BEND5: variants seen among roughly 807,000 people sequenced by gnomAD.
BEND5 encodes BEN domain-containing protein 5.
BEND5 carries 22 observed loss-of-function variants against 43.9 expected under a neutral mutation model. The observed-to-expected ratio is 0.50, with a 90% CI of 0.36 to 0.72. The LOEUF is 0.72. BEND5 is among the 30% of genes least tolerant of loss of function. The pLI, the probability that BEND5 is intolerant of heterozygous loss-of-function variation, is 0.00. For missense variants in BEND5, 428 were observed against 550.6 expected, an observed-to-expected ratio of 0.78 and a Z score of 2.23; for synonymous variants, 228 against 225.9, an observed-to-expected ratio of 1.01 and a Z score of -0.08.
chr1:48,775,666 C>T (rs1645043009), intron 1 of BEND5, among the ~76,000 whole-genome samples: 2 of 152,170 alleles, frequency 1.3e-5, no homozygotes, highest in African/African-American at 4.8e-5. Context: ...GCTGTCTTCT[C>T]TTTACAAAGG....
Position 48,728,903 on chromosome 1 carries a change from G to A in BEND5, c.1109-860C>T, listed in dbSNP as rs115178040. Reference sequence around the variant, plus strand: ...CTGACAACCTGGTGGGTGTGAAGTAGTGTCTCACTGCTGTGATTACTAATG... The same window carrying A: ...CTGACAACCTGGTGGGTGTGAAGTAATGTCTCACTGCTGTGATTACTAATG... On this transcript the variant is annotated intron_variant, in intron 5 of 5. Coordinates refer to ENST00000371833, the MANE Select transcript of BEND5 (RefSeq NM_024603.4). Among the ~76,000 whole-genome samples the A allele has an allele frequency of 3.3e-3, 510 of 152,294 alleles. 4 individuals are homozygous for A. The highest frequency in any genetic ancestry group is 7.3e-3 in the Admixed American group (111 of 15,304).
At chr1:48,772,187 G>A (rs1007129229) in intron 1 of BEND5, among the ~76,000 whole-genome samples, 1 of 152,204 alleles carries the variant, frequency 6.6e-6, no homozygotes, top group Non-Finnish European at 1.5e-5. Context: ...GCACATTCAT[G>A]ACTAATAAAA....
intron 1 of BEND5, among the ~76,000 whole-genome samples, chr1:48,773,001 G>A (rs1278394826): frequency 1.3e-5 from 2 of 152,006 alleles, no homozygotes; most frequent in Non-Finnish European, 2.9e-5. Context: ...CTACATAGCA[G>A]GACATGAAAA....
intron 1 of BEND5, among the ~76,000 whole-genome samples, chr1:48,761,739 ATCCT>A (rs1250502000): frequency 6.6e-6 from 1 of 152,244 alleles, no homozygotes; most frequent in Non-Finnish European, 1.5e-5. Flanking sequence ...CTCTAAGTAC[ATCCT>A]AAAGGGTGGC....
chr1:48,765,553 C>A (rs1248893230), intron 1 of BEND5, among the ~76,000 whole-genome samples: 2 of 152,182 alleles, frequency 1.3e-5, no homozygotes, highest in Non-Finnish European at 2.9e-5. Flanking sequence ...CCCAGCAATT[C>A]CGCTCCTGGG....
chr1:48,748,340 T>C (rs1651091903), intron 3 of BEND5, among the ~76,000 whole-genome samples: 1 of 152,112 alleles, frequency 6.6e-6, no homozygotes, highest in African/African-American at 2.4e-5. Flanking sequence ...CAGAGACAAA[T>C]CTGGTTTCAT....
intron 5 of BEND5, among the ~76,000 whole-genome samples, chr1:48,731,413 C>A (rs980486239): frequency 6.6e-6 from 1 of 152,152 alleles, no homozygotes; most frequent in African/African-American, 2.4e-5. Context: ...CATTCACGTA[C>A]AAGGCAAGCA....
chr1:48,760,534 A>G (rs1644201542), intron 2 of BEND5, among the ~76,000 whole-genome samples: 1 of 152,210 alleles, frequency 6.6e-6, no homozygotes, highest in South Asian at 2.1e-4. Flanking sequence ...GATCGTTACA[A>G]TATGTCTGCG....
intron 2 of BEND5, among the ~76,000 whole-genome samples, chr1:48,760,580 T>C (rs1341493971): frequency 6.6e-6 from 1 of 152,228 alleles, no homozygotes; most frequent in Non-Finnish European, 1.5e-5. Flanking sequence ...GCAAGGACCA[T>C]GTCTGGCTAA....
chr1:48,742,789 G>T lies in BEND5; in HGVS notation c.746-18C>A. 6.5e-7 allele frequency: 1 copy of T among 1,542,730 alleles called. No homozygotes were observed. Among genetic ancestry groups the T allele is most frequent in the Non-Finnish European group, 8.8e-7 (1 of 1,138,912 alleles). ...GGCGGGACCTAGGCAGTTAAGAAAA[G>T]AAATCTGTCTAGAACTCCAAGGAAA... On this transcript the variant is annotated intron_variant, in intron 3 of 5. Transcript: ENST00000371833.
chr1:48,746,402 T>G (rs1650770321), intron 3 of BEND5, among the ~76,000 whole-genome samples: 1 of 152,142 alleles, frequency 6.6e-6, no homozygotes, highest in African/African-American at 2.4e-5. Context: ...GTCCTTGTAC[T>G]CCACAGCCCA....
At position 48,758,943 on chromosome 1, in the gene BEND5, A is replaced by C. The variant is rs768199056; in HGVS notation, c.702T>G (p.Leu234=). The C allele has an allele frequency of 1.3e-6, 2 of 1,586,280 alleles. No homozygotes were observed. The highest frequency in any genetic ancestry group is 4.5e-5 in the East Asian group (2 of 44,370). The change falls in exon 3 of 6, where the codon CTT becomes CTG. Residue 234 remains leucine, a synonymous_variant. Coordinates refer to ENST00000371833, the MANE Select transcript of BEND5 (RefSeq NM_024603.4). ...GCAGCACGTCCTGGAGCCTCCGGTT[A>C]AGGTCACGGAGCTCCTTCATTTCAG... ...LVSEMKELRD[L]NRRLQDVLLL...
At chr1:48,744,168 A>C (rs1389639088) in intron 3 of BEND5, among the ~76,000 whole-genome samples, 1 of 152,300 alleles carries the variant, frequency 6.6e-6, no homozygotes, top group African/African-American at 2.4e-5. Context: ...GCACCTCCCA[A>C]TTAGAGGTGC....
intron 1 of BEND5, among the ~76,000 whole-genome samples, chr1:48,769,993 C>T (rs1045292376): frequency 6.6e-6 from 1 of 152,154 alleles, no homozygotes; most frequent in African/African-American, 2.4e-5. Flanking sequence ...TCCCATAGTG[C>T]AGGGTTCCAT....
At chr1:48,730,227 C>T (rs1487136285) in intron 5 of BEND5, among the ~76,000 whole-genome samples, 2 of 152,112 alleles carry the variant, frequency 1.3e-5, no homozygotes, top group African/African-American at 4.8e-5. Context: ...TCCCTCTCTA[C>T]CCCAGGCCAG....
chr1:48,753,190 G>A (rs575478084), intron 3 of BEND5, among the ~76,000 whole-genome samples: 1 of 152,246 alleles, frequency 6.6e-6, no homozygotes, highest in Non-Finnish European at 1.5e-5. Flanking sequence ...GAAAACCTCA[G>A]TATTTCTGAC....
rs1290908603 is a variant in BEND5 at position 48,727,718 on chromosome 1, T to TGCCC, written c.*167_*168insGGGC. 2.1e-6 allele frequency: 1 copy of TGCCC among 475,412 alleles called. No homozygotes were observed. Among genetic ancestry groups the TGCCC allele is most frequent in the Non-Finnish European group, 3.6e-6 (1 of 279,292 alleles). 29.4% of individuals were successfully genotyped at this position (475,412 alleles called of 1,614,324 possible). On this transcript the variant is annotated 3_prime_UTR_variant, in exon 6 of 6. Transcript: ENST00000371833. Reference sequence around the variant, plus strand: ...GCTCCTGAGTCTCAGCAAAGCCATCTGTCGTCTTTGGAGTGTCCACATTCA... The same window carrying TGCCC: ...GCTCCTGAGTCTCAGCAAAGCCATCTGCCCGTCGTCTTTGGAGTGTCCACATTCA...
intron 1 of BEND5, among the ~76,000 whole-genome samples, chr1:48,766,717 G>A (rs1007306450): frequency 2.6e-5 from 4 of 152,172 alleles, no homozygotes; most frequent in African/African-American, 4.8e-5. Flanking sequence ...GGGGGATTTC[G>A]AGGCTCCTCT....
intron 4 of BEND5, among the ~76,000 whole-genome samples, chr1:48,739,709 G>A (rs903329982): frequency 1.3e-5 from 2 of 152,188 alleles, no homozygotes; most frequent in Admixed American, 6.5e-5. Flanking sequence ...GAAAAGATGT[G>A]TAAAGTGTCA....
Sources: gnomAD v4.1 joint callset for allele counts (sites outside exome capture counted in the v4.1 genomes callset) on GRCh38, gnomAD v4.1.1 for gene constraint, MANE v1.5 for transcripts, NCBI Gene and HGNC (gene_info 2026-07-23, HGNC 2026-07-21) for gene names.